Variants in ATP8B1 observed in about 807,000 individuals in gnomAD.
ATP8B1 encodes the protein ATPase phospholipid transporting 8B1, also known as phospholipid-transporting ATPase IC.
A neutral mutation model predicts 149.9 loss-of-function variants in ATP8B1; 80 were observed. The ratio of observed to expected loss-of-function variants is 0.53; its 90% confidence interval spans 0.45 to 0.64. The LOEUF (loss-of-function observed/expected upper bound fraction) is 0.64. Ranked by LOEUF, ATP8B1 falls within the 30% of genes least tolerant of loss-of-function variation. The probability of loss-of-function intolerance (pLI) is 0.00; values close to 1 mark genes in which losing one functional copy is unlikely to be tolerated. For synonymous variants in ATP8B1, 536 were observed against 562.8 expected, an observed-to-expected ratio of 0.95 and a Z score of 0.67; for missense variants, 1,247 against 1,552.6, an observed-to-expected ratio of 0.80 and a Z score of 3.31.
chr18:57,670,288 A>G (rs1400620894), intron 17 of ATP8B1, among the ~76,000 whole-genome samples: 2 of 152,204 alleles, frequency 1.3e-5, no homozygotes, highest in African/African-American at 4.8e-5. Context: ...TTTAATGGAA[A>G]AGAGTATCTG....
At chr18:57,703,873 T>TG (rs954263735) in intron 4 of ATP8B1, among the ~76,000 whole-genome samples, 1 of 152,114 alleles carries the variant, frequency 6.6e-6, no homozygotes, top group Admixed American at 6.6e-5. Context: ...ATGATCTTTT[T>TG]GGGGGGGAAA....
Position 57,731,771 on chromosome 18 carries a change from C to A in ATP8B1, c.37G>T (p.Glu13Ter). The A allele has an allele frequency of 6.2e-7, 1 of 1,614,064 alleles. No individual in the cohort carries two copies. The highest frequency in any genetic ancestry group is 8.5e-7 in the Non-Finnish European group (1 of 1,180,008). ...TERDSETTFD[E>*]DSQPNDEVVP... is the part of the protein sequence containing the mutation. The stretch of plus-strand genomic sequence containing the variant: ...ACTTCGTCATTAGGCTGAGAATCCT[C>A]GTCAAATGTCGTTTCTGAGTCTCTT... Residue 13 changes from glutamate to a stop codon, truncating the protein, a stop_gained, in exon 2 of 28, where the codon GAG becomes TAG. Transcript: ENST00000648908. LOFTEE classifies it high-confidence loss of function.
At chr18:57,799,999 A>C (rs1180739416) in intron 1 of ATP8B1, among the ~76,000 whole-genome samples, 4 of 152,192 alleles carry the variant, frequency 2.6e-5, no homozygotes, top group Admixed American at 6.5e-5. Context: ...TTTTTTACTT[A>C]ATAAGAAACA....
chr18:57,760,152 A>T (rs976919619), intron 1 of ATP8B1, among the ~76,000 whole-genome samples: 1 of 152,096 alleles, frequency 6.6e-6, no homozygotes, highest in East Asian at 1.9e-4. Context: ...GATCGGGGGG[A>T]AAAAATGACT....
intron 18 of ATP8B1, 36 bp downstream of exon 18, chr18:57,669,282 A>T: frequency 6.4e-7 from 1 of 1,561,320 alleles, no homozygotes; most frequent in Non-Finnish European, 8.7e-7. Flanking sequence ...TTCTGCTTAG[A>T]ATATCAAAGA....
chr18:57,722,297 G>A (rs899131493), intron 2 of ATP8B1, among the ~76,000 whole-genome samples: 105 of 149,156 alleles, frequency 7.0e-4, no homozygotes, highest in African/African-American at 2.5e-3. Context: ...CAAAAAATCA[G>A]TGAATCCAGG....
At position 57,700,692 on chromosome 18, in the gene ATP8B1, GA is replaced by G. The variant is rs781258699; in HGVS notation, c.554+346del. On this transcript the variant is annotated intron_variant, in intron 6 of 27. Transcript: ENST00000648908. ...AATCCCAACACTTTGGGAGATCAAGGAGGATAACTTGAGGTCAGGAGTTTGA... is the reference window on the plus strand; with the variant it reads ...AATCCCAACACTTTGGGAGATCAAGGGGATAACTTGAGGTCAGGAGTTTGA... Among the ~76,000 whole-genome samples the G allele has an allele frequency of 3.3e-5, 5 of 152,240 alleles. No individual in the cohort carries two copies. In the East Asian group the frequency reaches 9.6e-4, roughly 29 times the overall value.
Position 57,647,607 on chromosome 18 carries a change from T to G in ATP8B1, c.*881A>C, listed in dbSNP as rs2122516275. Reference sequence around the variant, plus strand: ...GATCACCGAAAGGAAAATGTAACTGTAATTTTATAATACAATACCATTTGA... The same window carrying G: ...GATCACCGAAAGGAAAATGTAACTGGAATTTTATAATACAATACCATTTGA... On this transcript the variant is annotated 3_prime_UTR_variant, in exon 28 of 28. Coordinates refer to ENST00000648908, the MANE Select transcript of ATP8B1 (RefSeq NM_001374385.1). The G allele has an allele frequency of 6.5e-6, 1 of 152,742 alleles. No individual in the cohort carries two copies. Among genetic ancestry groups the G allele is most frequent in the Non-Finnish European group, 1.5e-5 (1 of 68,032 alleles). 9.5% of individuals were successfully genotyped at this position (152,742 alleles called of 1,614,324 possible).
chr18:57,668,106 A>G (rs753449865), intron 19 of ATP8B1: 13 of 1,331,780 alleles, frequency 9.8e-6, no homozygotes, highest in Non-Finnish European at 1.2e-5. Flanking sequence ...ATGTCAAAGC[A>G]CTGGAAGGAC....
intron 24 of ATP8B1, among the ~76,000 whole-genome samples, chr18:57,653,309 G>A (rs1372042626): frequency 7.5e-6 from 1 of 133,856 alleles, no homozygotes; most frequent in Non-Finnish European, 1.6e-5. Flanking sequence ...TTTGGAGACA[G>A]GGTCTCACTT....
intron 1 of ATP8B1, among the ~76,000 whole-genome samples, chr18:57,792,516 T>A (rs2123455440): frequency 6.6e-6 from 1 of 152,194 alleles, no homozygotes; most frequent in East Asian, 1.9e-4. Flanking sequence ...ATCATACGAT[T>A]CCATTTACAT....
At position 57,654,215 on chromosome 18, in the gene ATP8B1, T is replaced by C. The variant is rs1319171205; in HGVS notation, c.2932-140A>G. 3 of 820,808 alleles carry C rather than the reference T, an allele frequency of 3.7e-6. No homozygotes were observed. In the African/African-American group the frequency reaches 5.1e-5, roughly 14 times the overall value. 50.8% of individuals were successfully genotyped at this position (820,808 alleles called of 1,614,324 possible). A position where few individuals can be genotyped will look rare whatever the true frequency, so the allele number is the denominator to read the frequency against. On this transcript the variant is annotated intron_variant, in intron 23 of 27. Transcript: ENST00000648908. ...GAGATGGGGGTCTTGCTATGTTGCC[T>C]AGGCTGGCCTCGAACTCCTGGCCTT...
intron 2 of ATP8B1, among the ~76,000 whole-genome samples, chr18:57,723,093 G>A (rs1482402904): frequency 5.3e-5 from 8 of 151,522 alleles, no homozygotes; most frequent in Admixed American, 1.3e-4. Context: ...TTGATGGGAC[G>A]TATTTCAAAA....
At chr18:57,649,106 C>G (rs1392837287) in intron 27 of ATP8B1, among the ~76,000 whole-genome samples, 1 of 151,894 alleles carries the variant, frequency 6.6e-6, no homozygotes, top group Non-Finnish European at 1.5e-5. Flanking sequence ...CCATGTTGGC[C>G]AGGCTGGTCC....
intron 1 of ATP8B1, among the ~76,000 whole-genome samples, chr18:57,798,426 GAAAAAAGA>G (rs1170028688): frequency 2.8e-5 from 4 of 143,510 alleles, no homozygotes; most frequent in South Asian, 4.5e-4. Context: ...AAAAAAAATA[GAAAAAAGA>G]AAAAAAGAAA....
At chr18:57,764,056 T>C (rs988724666) in intron 1 of ATP8B1, among the ~76,000 whole-genome samples, 2 of 152,240 alleles carry the variant, frequency 1.3e-5, no homozygotes, top group Non-Finnish European at 2.9e-5. Flanking sequence ...GTTTTCCACT[T>C]ATTATAATAC....
intron 6 of ATP8B1, among the ~76,000 whole-genome samples, chr18:57,699,043 G>A (rs1481986513): frequency 6.6e-6 from 1 of 152,186 alleles, no homozygotes; most frequent in Non-Finnish European, 1.5e-5. Context: ...GTAGTCAACT[G>A]TGACGAAAGC....
chr18:57,754,327 A>C (rs9961656), intron 1 of ATP8B1, among the ~76,000 whole-genome samples: 40,437 of 151,646 alleles, frequency 0.27, 5,996 homozygotes, highest in African/African-American at 0.39. Flanking sequence ...AATCCCAGCT[A>C]CTCAGGAGGC....
intron 6 of ATP8B1, among the ~76,000 whole-genome samples, chr18:57,698,102 GAAGA>G (rs1041313131): frequency 2.2e-4 from 34 of 152,268 alleles, no homozygotes; most frequent in African/African-American, 8.2e-4. Flanking sequence ...GTCATGTAAG[GAAGA>G]GTTTATGGGG....
Sources: allele counts gnomAD v4.1 joint callset (sites outside exome capture counted in the v4.1 genomes callset), GRCh38; gene constraint gnomAD v4.1.1; transcripts MANE v1.5; gene names NCBI Gene and HGNC (gene_info 2026-07-23, HGNC 2026-07-21).